UNC5D: variants seen among roughly 807,000 people sequenced by gnomAD.
UNC5D encodes netrin receptor UNC5D.
A neutral mutation model predicts 105.4 loss-of-function variants in UNC5D; 39 were observed. That is an observed-to-expected ratio of 0.37 (90% CI 0.29 to 0.48). The LOEUF is 0.48. UNC5D is among the 20% of genes least tolerant of loss of function. UNC5D has a pLI of 0.98. For missense variants in UNC5D, 991 were observed against 1,202.4 expected (o/e 0.82, Z 2.60); for synonymous variants, 452 against 450.4 (o/e 1.00, Z -0.04).
chr8:35,702,441 AGCCAACACC>A (rs1387958313), intron 7 of UNC5D, among the ~76,000 whole-genome samples: 2 of 152,202 alleles, frequency 1.3e-5, no homozygotes, highest in Middle Eastern at 3.4e-3. Context: ...TCTAATATGC[AGCCAACACC>A]ACTAAGCCAA....
intron 1 of UNC5D, among the ~76,000 whole-genome samples, chr8:35,456,715 G>C (rs1414733734): frequency 6.6e-6 from 1 of 152,150 alleles, no homozygotes; most frequent in Non-Finnish European, 1.5e-5. Flanking sequence ...GACCTCATCT[G>C]TCAGCATATT....
chr8:35,287,631 C>CAA (rs1238592887), intron 1 of UNC5D, among the ~76,000 whole-genome samples: 1 of 132,484 alleles, frequency 7.5e-6, no homozygotes. Context: ...CTGCCTCTAC[C>CAA]AAAAAAAAAA....
At chr8:35,713,395 C>T (rs1370860145) in intron 8 of UNC5D, among the ~76,000 whole-genome samples, 6 of 152,190 alleles carry the variant, frequency 3.9e-5, no homozygotes, top group Non-Finnish European at 7.3e-5. Flanking sequence ...TCAAATTCTG[C>T]TCTTTTTGAC....
intron 3 of UNC5D, among the ~76,000 whole-genome samples, chr8:35,589,526 G>A (rs998291956): frequency 6.6e-6 from 1 of 151,258 alleles, no homozygotes; most frequent in Non-Finnish European, 1.5e-5. Flanking sequence ...CCTATTTAAA[G>A]TGTACAATTT....
chr8:35,772,024 G>A (rs1262463758), intron 15 of UNC5D, among the ~76,000 whole-genome samples: 1 of 152,062 alleles, frequency 6.6e-6, no homozygotes, highest in East Asian at 1.9e-4. Flanking sequence ...AGGTCTTTCT[G>A]CTTCTAAAAA....
intron 1 of UNC5D, among the ~76,000 whole-genome samples, chr8:35,285,248 A>AT (rs1367746530): frequency 1.3e-5 from 2 of 152,132 alleles, no homozygotes; most frequent in Admixed American, 1.3e-4. Flanking sequence ...AGGCCTGCGT[A>AT]TTTTTCCAAC....
intron 11 of UNC5D, among the ~76,000 whole-genome samples, chr8:35,741,475 A>C (rs930329755): frequency 3.3e-5 from 5 of 152,094 alleles, no homozygotes; most frequent in Admixed American, 6.6e-5. Context: ...CCACTGTTCT[A>C]ACTGCTCCTT....
intron 1 of UNC5D, among the ~76,000 whole-genome samples, chr8:35,487,988 A>G (rs1296150013): frequency 6.6e-6 from 1 of 152,214 alleles, no homozygotes; most frequent in East Asian, 1.9e-4. Context: ...AAAAGTATTT[A>G]AAGTGTGGTC....
At chr8:35,533,728 G>A (rs1438529830) in intron 1 of UNC5D, among the ~76,000 whole-genome samples, 1 of 152,252 alleles carries the variant, frequency 6.6e-6, no homozygotes, top group Non-Finnish European at 1.5e-5. Context: ...CTCCGAGCCA[G>A]GTGTGGGATA....
At chr8:35,573,114 T>G (rs1385396215) in intron 3 of UNC5D, among the ~76,000 whole-genome samples, 1 of 152,226 alleles carries the variant, frequency 6.6e-6, no homozygotes, top group Non-Finnish European at 1.5e-5. Flanking sequence ...AATTTTATAT[T>G]TCTGATGAAC....
chr8:35,525,340 T>G (rs989241804), intron 1 of UNC5D: 72 of 1,612,092 alleles, frequency 4.5e-5, no homozygotes, highest in Non-Finnish European at 6.1e-5. Context: ...GGGGGTGTAA[T>G]AACAACTTCT....
At chr8:35,715,691 G>A (rs542450575) in intron 8 of UNC5D, among the ~76,000 whole-genome samples, 1 of 152,120 alleles carries the variant, frequency 6.6e-6, no homozygotes, top group African/African-American at 2.4e-5. Flanking sequence ...GTGTTTGTAG[G>A]CAGGGGGCAA....
chr8:35,533,715 A>T (rs944141340), intron 1 of UNC5D, among the ~76,000 whole-genome samples: 1 of 150,810 alleles, frequency 6.6e-6, no homozygotes. Context: ...TGGGCGTAGG[A>T]CCCTCCGAGC....
intron 1 of UNC5D, among the ~76,000 whole-genome samples, chr8:35,321,595 C>T (rs1164106551): frequency 1.3e-5 from 2 of 152,176 alleles, no homozygotes; most frequent in African/African-American, 2.4e-5. Flanking sequence ...CTTTCTAAAT[C>T]ACCCAGTCAT....
chr8:35,353,061 A>G (rs1013124659), intron 1 of UNC5D, among the ~76,000 whole-genome samples: 5 of 152,204 alleles, frequency 3.3e-5, no homozygotes, highest in Admixed American at 6.5e-5. Flanking sequence ...AAAGTTTGAC[A>G]AATTCAACTA....
intron 1 of UNC5D, among the ~76,000 whole-genome samples, chr8:35,252,584 A>G (rs1392984170): frequency 5.3e-5 from 8 of 152,114 alleles, no homozygotes; most frequent in African/African-American, 1.9e-4. Context: ...TGCATTTACT[A>G]TCCCTAGTTG....
At chr8:35,712,433 A>T (rs1011168967) in intron 8 of UNC5D, among the ~76,000 whole-genome samples, 1 of 152,222 alleles carries the variant, frequency 6.6e-6, no homozygotes, top group African/African-American at 2.4e-5. Flanking sequence ...AAGATAAGTG[A>T]TTTGAGAAAA....
intron 1 of UNC5D, among the ~76,000 whole-genome samples, chr8:35,513,093 T>C (rs1812865780): frequency 6.6e-6 from 1 of 152,120 alleles, no homozygotes; most frequent in Admixed American, 6.5e-5. Context: ...TCTTTGGTTT[T>C]TCTAGTATTC....
chr8:35,712,873 C>T (rs554478925), intron 8 of UNC5D, among the ~76,000 whole-genome samples: 10 of 152,274 alleles, frequency 6.6e-5, no homozygotes, highest in Admixed American at 6.5e-4. Flanking sequence ...ATGCTCTAAC[C>T]ACTGTCTCAA....
Sources: gnomAD v4.1 joint callset for allele counts (sites outside exome capture counted in the v4.1 genomes callset) on GRCh38, gnomAD v4.1.1 for gene constraint, MANE v1.5 for transcripts, NCBI Gene and HGNC (gene_info 2026-07-23, HGNC 2026-07-21) for gene names.